HSPA14: variants seen among roughly 807,000 people sequenced by gnomAD.
HSPA14 encodes heat shock 70 kDa protein 14.
HSPA14 carries 37 observed loss-of-function variants against 65.5 expected under a neutral mutation model. The ratio of observed to expected loss-of-function variants is 0.56; its 90% confidence interval spans 0.43 to 0.74. The LOEUF is 0.74. HSPA14 is among the 30% of genes least tolerant of loss of function. The pLI, the probability that HSPA14 is intolerant of heterozygous loss-of-function variation, is 0.00. For missense variants in HSPA14, 564 were observed against 607.6 expected (o/e 0.93, Z 0.75); for synonymous variants, 203 against 214.2 (o/e 0.95, Z 0.46).
chr10:14,840,051 T>C (rs778512992), intron 2 of HSPA14, 24 bp from the exon 3 acceptor site: 7 of 1,207,778 alleles, frequency 5.8e-6, no homozygotes, highest in Non-Finnish European at 7.7e-6. Context: ...AATATATATA[T>C]ATATATATTA....
At position 14,867,811 on chromosome 10, in the gene HSPA14, C is replaced by A. The variant is rs200075818; in HGVS notation, c.1282C>A (p.His428Asn). ...GACTCCTTTGCCAGCTCGAAGACAACACACATTGCAAGCCCCTGGAAGCAT... is the reference window on the plus strand; with the variant it reads ...GACTCCTTTGCCAGCTCGAAGACAAAACACATTGCAAGCCCCTGGAAGCAT... ...SGTPLPARRQ[H>N]TLQAPGSISS... Residue 428 changes from histidine to asparagine, a missense_variant, in exon 12 of 14, where the codon CAC (histidine) becomes AAC (asparagine). His to Asn is a moderately conservative substitution (Grantham distance 68). Transcript: ENST00000378372. 1.2e-6 allele frequency: 2 copies of A among 1,614,076 alleles called. No homozygotes were observed. Among genetic ancestry groups the A allele is most frequent in the Admixed American group, 3.3e-5 (2 of 60,020 alleles).
intron 11 of HSPA14, 149 bp downstream of exon 11, chr10:14,867,444 T>C: frequency 1.6e-6 from 1 of 622,458 alleles, no homozygotes; most frequent in Non-Finnish European, 2.7e-6. Flanking sequence ...TTTAGATTTA[T>C]AATCCTACTT....
At chr10:14,854,938 G>T (rs889735772) in intron 9 of HSPA14, among the ~76,000 whole-genome samples, 2 of 152,204 alleles carry the variant, frequency 1.3e-5, no homozygotes, top group Non-Finnish European at 2.9e-5. Flanking sequence ...AGAAAGTCCT[G>T]TTGGACAGCT....
intron 10 of HSPA14, among the ~76,000 whole-genome samples, chr10:14,863,244 A>C (rs1282256759): frequency 6.6e-6 from 1 of 152,120 alleles, no homozygotes; most frequent in Non-Finnish European, 1.5e-5. Context: ...GATTAGATGG[A>C]CCATTTCAGA....
In HSPA14 at chr10:14,867,231, A is replaced by G. The variant is rs1249307493; in HGVS notation, c.1142A>G (p.Lys381Arg). 1.2e-6 allele frequency: 2 copies of G among 1,613,892 alleles called. No individual in the cohort carries two copies. Among genetic ancestry groups the G allele is most frequent in the Non-Finnish European group, 8.5e-7 (1 of 1,179,836 alleles). The change falls in exon 11 of 14, where the codon AAA (lysine) becomes AGA (arginine). Residue 381 changes from lysine to arginine, a missense_variant. Transcript: ENST00000378372. ...AAIEAGILIG[K>R]ENLLVEDSLM... ...ATAGAAGCAGGAATTCTTATTGGGA[A>G]AGAAAACCTGTTGGTGGAAGACTCT...
At chr10:14,849,286 G>A (rs1353255973) in intron 5 of HSPA14, 3 of 410,866 alleles carry the variant, frequency 7.3e-6, no homozygotes, top group East Asian at 6.9e-5. Context: ...GTGGTATTCT[G>A]TCGAACAATT....
chr10:14,864,939 AAC>A (rs201566168), intron 10 of HSPA14, among the ~76,000 whole-genome samples: 2,270 of 144,166 alleles, frequency 0.016, 64 homozygotes, highest in African/African-American at 0.059. Flanking sequence ...CAGTCCCACC[AAC>A]AGTGTAAGTG....
At chr10:14,844,431 A>T (rs968576776) in intron 3 of HSPA14, 7 of 993,836 alleles carry the variant, frequency 7.0e-6, no homozygotes, top group Admixed American at 5.4e-5. Flanking sequence ...GTCTAACTTG[A>T]CTGCTTCATG....
chr10:14,842,794 G>A lies in HSPA14; in HGVS notation c.221+2637G>A, dbSNP rs1379872822. On this transcript the variant is annotated intron_variant, in intron 3 of 13. Coordinates refer to ENST00000378372, the MANE Select transcript of HSPA14 (RefSeq NM_016299.4). The surrounding 1 kb of genome is among the most constrained non-coding windows in gnomAD (Gnocchi z 5.2). The stretch of plus-strand genomic sequence containing the variant: ...ATTGTCAGCTAAGAATCAGTGACCG[G>A]ATACGAGAAACCAGTGACCTTGAGG... The A allele has an allele frequency of 6.5e-7, 1 of 1,536,288 alleles. No homozygotes were observed. Among genetic ancestry groups the A allele is most frequent in the Non-Finnish European group, 8.7e-7 (1 of 1,146,938 alleles).
chr10:14,860,715 G>A (rs1205068610), intron 10 of HSPA14, among the ~76,000 whole-genome samples: 1 of 152,156 alleles, frequency 6.6e-6, no homozygotes, highest in Non-Finnish European at 1.5e-5. Flanking sequence ...CAGATCCCCA[G>A]AAGGAGTGCT....
chr10:14,852,234 T>C (rs1834113614), intron 7 of HSPA14, 136 bp from the exon 8 acceptor site: 1 of 695,536 alleles, frequency 1.4e-6, no homozygotes, highest in Non-Finnish European at 2.4e-6. Flanking sequence ...TAAGTGACTA[T>C]AGACAACTTA....
At position 14,842,618 on chromosome 10, in the gene HSPA14, A is replaced by T; in HGVS notation, c.221+2461A>T. 6.5e-7 allele frequency: 1 copy of T among 1,536,174 alleles called. No individual in the cohort carries two copies. ...GATAGTGACTGACCCAGACAACTTA[A>T]TGGAGGATGCTGCTTGGGCCAAGCA... On this transcript the variant is annotated intron_variant, in intron 3 of 13. Transcript: ENST00000378372. This position sits in a 1 kb window ranked among gnomAD's most constrained non-coding sequence, Gnocchi z 5.2.
chr10:14,840,769 T>C (rs1386496263), intron 3 of HSPA14, among the ~76,000 whole-genome samples: 1 of 152,264 alleles, frequency 6.6e-6, no homozygotes, highest in East Asian at 1.9e-4. Flanking sequence ...GTTTTCATTT[T>C]CACTACTGTA....
chr10:14,847,003 G>A (rs1834064211), intron 3 of HSPA14: 1 of 985,436 alleles, frequency 1.0e-6, no homozygotes, highest in Non-Finnish European at 1.2e-6. Context: ...GTATGTAGTT[G>A]TGGGTCAGTC....
chr10:14,847,133 G>C, intron 3 of HSPA14: 3 of 554,434 alleles, frequency 5.4e-6, no homozygotes, highest in Non-Finnish European at 6.9e-6. Flanking sequence ...TCTGTCTTCA[G>C]AGGAGAGCGG....
intron 10 of HSPA14, among the ~76,000 whole-genome samples, chr10:14,866,719 T>A (rs757614940): frequency 3.5e-4 from 53 of 150,020 alleles, no homozygotes; most frequent in African/African-American, 1.0e-3. Context: ...TTCAAACTTT[T>A]AAAAAAAAAA....
chr10:14,859,144 C>T (rs540871167), intron 10 of HSPA14, among the ~76,000 whole-genome samples: 30 of 152,228 alleles, frequency 2.0e-4, no homozygotes, highest in African/African-American at 6.7e-4. Flanking sequence ...CACCCTGGTT[C>T]GTGCTGTATC....
chr10:14,865,801 CTTTTTTGG>C (rs1832802183), intron 10 of HSPA14, among the ~76,000 whole-genome samples: 1 of 152,144 alleles, frequency 6.6e-6, no homozygotes, highest in South Asian at 2.1e-4. Flanking sequence ...AACGTGGGCT[CTTTTTTGG>C]TTCCATATGA....
chr10:14,843,770 A>AGCTCC (rs1025512752), intron 3 of HSPA14: 19 of 1,536,354 alleles, frequency 1.2e-5, no homozygotes, highest in Non-Finnish European at 1.7e-5. Context: ...ACTGCCAATG[A>AGCTCC]GCTCCGCAGG....
Sources: gnomAD v4.1 joint callset for allele counts (sites outside exome capture counted in the v4.1 genomes callset) on GRCh38, gnomAD v4.1.1 for gene constraint, Gnocchi (gnomAD v3.1) non-coding constraint, MANE v1.5 for transcripts, NCBI Gene and HGNC (gene_info 2026-07-23, HGNC 2026-07-21) for gene names.